CNGB3: variants seen among roughly 807,000 people sequenced by gnomAD.
CNGB3 encodes cyclic nucleotide-gated channel beta-3.
A neutral mutation model predicts 92.8 loss-of-function variants in CNGB3; 86 were observed. The ratio of observed to expected loss-of-function variants is 0.93; its 90% CI spans 0.78 to 1.11. The LOEUF is 1.11. CNGB3 is among the 50% of genes least tolerant of loss of function. The pLI is 0.00. For synonymous variants in CNGB3, 333 were observed against 332.7 expected, an observed-to-expected ratio of 1.00 and a Z score of -0.01; for missense variants, 1,026 against 956.8, an observed-to-expected ratio of 1.07 and a Z score of -0.95.
In CNGB3 at chr8:86,630,661, G is replaced by A. The variant is rs112135252; in HGVS notation, c.1321-1583C>T. Reference sequence around the variant, plus strand: ...TGGGAGAATCACTTGAGGCCAAGAGGTCAAGACCAGCCTGGGCAACATAGT... The same window carrying A: ...TGGGAGAATCACTTGAGGCCAAGAGATCAAGACCAGCCTGGGCAACATAGT... On this transcript the variant is annotated intron_variant, in intron 11 of 17. Transcript: ENST00000320005. 7.6e-4 allele frequency among the ~76,000 whole-genome samples: 115 copies of A among 152,186 alleles called. 1 individual carries two copies. In the South Asian group the frequency reaches 0.012, roughly 15 times the overall value.
At chr8:86,691,705 T>C (rs1239059556) in intron 3 of CNGB3, among the ~76,000 whole-genome samples, 1 of 152,160 alleles carries the variant, frequency 6.6e-6, no homozygotes, top group African/African-American at 2.4e-5. Flanking sequence ...CTCTTTTGTA[T>C]TTTTTGTTTC....
At chr8:86,625,905 C>T (rs1357809207) in intron 13 of CNGB3, 78 bp downstream of exon 13, 2 of 1,212,092 alleles carry the variant, frequency 1.7e-6, no homozygotes, top group Non-Finnish European at 2.4e-6. Flanking sequence ...CAAAAAAACT[C>T]ATAAATGCTG....
intron 3 of CNGB3, among the ~76,000 whole-genome samples, chr8:86,696,143 G>A (rs1369578339): frequency 2.0e-5 from 3 of 152,230 alleles, no homozygotes; most frequent in African/African-American, 4.8e-5. Context: ...TAGCAGTCAA[G>A]TTGTCATGTG....
intron 6 of CNGB3, among the ~76,000 whole-genome samples, chr8:86,656,599 G>A (rs1279152554): frequency 6.6e-6 from 1 of 151,994 alleles, no homozygotes; most frequent in African/African-American, 2.4e-5. Context: ...TTTCTTCAGG[G>A]GAGGCTTACT....
At chr8:86,697,768 T>A (rs556958676) in intron 3 of CNGB3, among the ~76,000 whole-genome samples, 1 of 152,240 alleles carries the variant, frequency 6.6e-6, no homozygotes, top group Non-Finnish European at 1.5e-5. Flanking sequence ...ATTAAGTATA[T>A]CTCCTAATGC....
chr8:86,633,992 A>G (rs899639331), intron 10 of CNGB3, among the ~76,000 whole-genome samples: 2 of 152,210 alleles, frequency 1.3e-5, no homozygotes, highest in African/African-American at 4.8e-5. Flanking sequence ...AAGTATGCTC[A>G]GAAATGTACT....
chr8:86,736,811 TTATGGAAGTTTTATA>T (rs146825673), intron 2 of CNGB3, among the ~76,000 whole-genome samples: 8,033 of 152,168 alleles, frequency 0.053, 321 homozygotes, highest in African/African-American at 0.11. Context: ...TTCTTACTAT[TTATGGAAGTTTTATA>T]TATGTGAGTT....
chr8:86,594,574 T>C, intron 15 of CNGB3: 1 of 302,566 alleles, frequency 3.3e-6, no homozygotes, highest in Non-Finnish European at 6.4e-6. Flanking sequence ...CTGGGTCCAC[T>C]GTCACCTTCA....
chr8:86,665,402 C>A (rs775769349), intron 6 of CNGB3, among the ~76,000 whole-genome samples: 35 of 152,206 alleles, frequency 2.3e-4, no homozygotes, highest in Non-Finnish European at 5.1e-4. Context: ...TTTGACCCAG[C>A]AATCCCATTA....
chr8:86,642,849 A>G (rs1823217231), intron 10 of CNGB3, among the ~76,000 whole-genome samples: 1 of 151,552 alleles, frequency 6.6e-6, no homozygotes, highest in Admixed American at 6.6e-5. Context: ...AGTTTAATTT[A>G]TGATCCTCGT....
intron 6 of CNGB3, among the ~76,000 whole-genome samples, chr8:86,655,189 A>G (rs1414219004): frequency 6.6e-6 from 1 of 152,150 alleles, no homozygotes; most frequent in Non-Finnish European, 1.5e-5. Context: ...TCTCATGGCC[A>G]TTCTCTGCTT....
chr8:86,709,599 A>G (rs1302499676), intron 3 of CNGB3, among the ~76,000 whole-genome samples: 1 of 152,162 alleles, frequency 6.6e-6, no homozygotes, highest in Non-Finnish European at 1.5e-5. Flanking sequence ...TAGGGTGAAC[A>G]TTTATTGGTA....
At chr8:86,699,567 G>A (rs1203113094) in intron 3 of CNGB3, among the ~76,000 whole-genome samples, 1 of 152,142 alleles carries the variant, frequency 6.6e-6, no homozygotes, top group Non-Finnish European at 1.5e-5. Flanking sequence ...TGGTACTTAT[G>A]GATTCTTGCT....
At chr8:86,719,111 A>G (rs1824917798) in intron 3 of CNGB3, among the ~76,000 whole-genome samples, 1 of 151,962 alleles carries the variant, frequency 6.6e-6, no homozygotes. Context: ...GAAGTGGAAC[A>G]AGACAAAAAT....
In CNGB3 at chr8:86,596,504, G is replaced by A. The variant is rs141383680; in HGVS notation, c.1781+7589C>T. Among the ~76,000 whole-genome samples, 366 of 152,218 alleles carry A rather than the reference G, an allele frequency of 2.4e-3. 3 individuals carry two copies. The highest frequency in any genetic ancestry group is 0.014 in the South Asian group (66 of 4,822). On this transcript the variant is annotated intron_variant, in intron 15 of 17. Coordinates refer to ENST00000320005, the MANE Select transcript of CNGB3 (RefSeq NM_019098.5). ...CACAAGGCTGAATATGCATATTCAC[G>A]ACAAAAATGAATGTGCATTTGTACA...
At chr8:86,679,358 A>G (rs1824036079) in intron 3 of CNGB3, among the ~76,000 whole-genome samples, 1 of 152,060 alleles carries the variant, frequency 6.6e-6, no homozygotes, top group African/African-American at 2.4e-5. Context: ...GTTATGGGCT[A>G]AATTTTGTTC....
intron 3 of CNGB3, among the ~76,000 whole-genome samples, chr8:86,699,697 T>C (rs1824516314): frequency 6.6e-6 from 1 of 152,190 alleles, no homozygotes; most frequent in Non-Finnish European, 1.5e-5. Context: ...TTAGTTTGGA[T>C]AGAAATTTAA....
intron 15 of CNGB3, among the ~76,000 whole-genome samples, chr8:86,590,360 G>A (rs1413310725): frequency 1.3e-5 from 2 of 152,032 alleles, no homozygotes; most frequent in African/African-American, 2.4e-5. Context: ...ATAGTGTTAT[G>A]TGTGAATTTG....
At chr8:86,622,258 T>G (rs1412350934) in intron 13 of CNGB3, among the ~76,000 whole-genome samples, 1 of 152,166 alleles carries the variant, frequency 6.6e-6, no homozygotes, top group African/African-American at 2.4e-5. Context: ...GTAAGTCTCA[T>G]TCCTTGTTCA....
Sources: gnomAD v4.1 joint callset for allele counts (sites outside exome capture counted in the v4.1 genomes callset) on GRCh38, gnomAD v4.1.1 for gene constraint, MANE v1.5 for transcripts, NCBI Gene and HGNC (gene_info 2026-07-23, HGNC 2026-07-21) for gene names.